RIMS1: variants seen among roughly 807,000 people sequenced by gnomAD.
The protein encoded by RIMS1 is regulating synaptic membrane exocytosis 1.
RIMS1 carries 83 observed loss-of-function variants against 214.1 expected under a neutral mutation model. That is an observed-to-expected ratio of 0.39 (90% CI 0.32 to 0.47). The LOEUF is 0.47. RIMS1 is among the 20% of genes least tolerant of loss of function. The pLI is 0.99. For synonymous variants in RIMS1, 793 were observed against 786.8 expected (o/e 1.01, Z -0.13); for missense variants, 2,050 against 2,161.8 (o/e 0.95, Z 1.03).
intron 2 of RIMS1, among the ~76,000 whole-genome samples, chr6:72,074,273 G>A (rs536748171): frequency 6.6e-6 from 1 of 152,292 alleles, no homozygotes; most frequent in Non-Finnish European, 1.5e-5. Context: ...TACATAGCTG[G>A]TATTCATAGT....
At chr6:72,237,377 T>G (rs1043567925) in intron 8 of RIMS1, among the ~76,000 whole-genome samples, 1 of 151,940 alleles carries the variant, frequency 6.6e-6, no homozygotes, top group African/African-American at 2.4e-5. Flanking sequence ...CCCAGCTACT[T>G]TAATCAAAAA....
At chr6:72,309,052 G>C (rs1345123879) in intron 27 of RIMS1, among the ~76,000 whole-genome samples, 1 of 152,026 alleles carries the variant, frequency 6.6e-6, no homozygotes, top group African/African-American at 2.4e-5. Flanking sequence ...CAGTTTCTTA[G>C]CTTTATTTCA....
intron 19 of RIMS1, chr6:72,262,081 A>C (rs948597688): frequency 4.1e-6 from 4 of 984,818 alleles, no homozygotes; most frequent in African/African-American, 1.7e-5. Context: ...CACAAAAAAA[A>C]TCCTTATATT....
intron 4 of RIMS1, among the ~76,000 whole-genome samples, chr6:72,166,336 GC>G (rs2046263365): frequency 6.7e-6 from 1 of 150,246 alleles, no homozygotes; most frequent in African/African-American, 2.4e-5. Flanking sequence ...ATCCTATTGA[GC>G]TAGGCCTACA....
rs1348116165 is a variant in RIMS1, at chr6:72,213,207, C to T, written c.1679-20566C>T. 13 of 1,536,148 alleles carry T rather than the reference C, an allele frequency of 8.5e-6. No homozygotes were observed. The East Asian group carries it at 9.8e-5, about 12-fold the overall frequency. ...TTCCGAAGAGGGAACAATTGAAGCT[C>T]GACGAGCAGTTGCTGGTAAGCAATA... is the stretch of plus-strand genomic sequence containing the variant. On this transcript the variant is annotated intron_variant, in intron 6 of 33. Coordinates refer to ENST00000521978, the MANE Select transcript of RIMS1 (RefSeq NM_014989.7).
chr6:72,229,618 A>G (rs1468427831), intron 6 of RIMS1, among the ~76,000 whole-genome samples: 1 of 151,836 alleles, frequency 6.6e-6, no homozygotes, highest in Non-Finnish European at 1.5e-5. Flanking sequence ...TGTATAATTT[A>G]GGGTAAGTGG....
chr6:72,386,443 G>A (rs2098603183), intron 29 of RIMS1, among the ~76,000 whole-genome samples: 1 of 152,142 alleles, frequency 6.6e-6, no homozygotes, highest in Admixed American at 6.6e-5. Flanking sequence ...AAAGACTGGA[G>A]AGGAAGCCTG....
intron 1 of RIMS1, among the ~76,000 whole-genome samples, chr6:71,951,295 G>A (rs1464974183): frequency 6.6e-6 from 1 of 151,982 alleles, no homozygotes; most frequent in Non-Finnish European, 1.5e-5. Context: ...TTTATTGCGG[G>A]AGGTTTTGTT....
chr6:72,023,106 A>G (rs189083389), intron 2 of RIMS1, among the ~76,000 whole-genome samples: 2 of 152,276 alleles, frequency 1.3e-5, no homozygotes, highest in East Asian at 3.9e-4. Flanking sequence ...TGCTTTCTAC[A>G]GAGAAATTCA....
At chr6:71,986,712 A>G (rs1800071825) in intron 2 of RIMS1, among the ~76,000 whole-genome samples, 1 of 152,250 alleles carries the variant, frequency 6.6e-6, no homozygotes, top group African/African-American at 2.4e-5. Flanking sequence ...GGGATATTCT[A>G]AATTGGATGT....
intron 6 of RIMS1, chr6:72,213,037 C>G (rs1159441910): frequency 6.5e-6 from 10 of 1,526,782 alleles, no homozygotes; most frequent in Non-Finnish European, 8.8e-6. Flanking sequence ...TCACACTCTT[C>G]TTAGATAAGA....
At chr6:71,983,832 A>G (rs1359758900) in intron 2 of RIMS1, among the ~76,000 whole-genome samples, 7 of 152,366 alleles carry the variant, frequency 4.6e-5, no homozygotes, top group South Asian at 2.1e-4. Context: ...ACCATCTTGT[A>G]TATTTAAAAG....
At chr6:72,118,379 A>G (rs997767578) in intron 4 of RIMS1, among the ~76,000 whole-genome samples, 5 of 151,470 alleles carry the variant, frequency 3.3e-5, no homozygotes. Context: ...ATGGAATCAC[A>G]GCTGAATTCT....
chr6:72,079,254 C>A (rs2153766375), intron 2 of RIMS1, among the ~76,000 whole-genome samples: 1 of 152,204 alleles, frequency 6.6e-6, no homozygotes, highest in South Asian at 2.1e-4. Context: ...ATTCCTTACA[C>A]AATATTAATA....
chr6:72,113,593 T>A (rs980842357), intron 4 of RIMS1, among the ~76,000 whole-genome samples: 3 of 152,154 alleles, frequency 2.0e-5, no homozygotes, highest in African/African-American at 7.2e-5. Context: ...TCTTTTGAAT[T>A]CTAGAATAAG....
chr6:72,159,965 A>G (rs1247265900), intron 4 of RIMS1, among the ~76,000 whole-genome samples: 1 of 139,578 alleles, frequency 7.2e-6, no homozygotes, highest in Admixed American at 7.4e-5. Flanking sequence ...CATTGAATCT[A>G]TAAATTACCT....
At chr6:72,113,119 G>A (rs939578274) in intron 4 of RIMS1, among the ~76,000 whole-genome samples, 1 of 152,146 alleles carries the variant, frequency 6.6e-6, no homozygotes, top group Non-Finnish European at 1.5e-5. Flanking sequence ...GCAGTGTGCA[G>A]AGTCATGGTA....
chr6:72,107,471 G>A (rs568019325), intron 4 of RIMS1, among the ~76,000 whole-genome samples: 3 of 152,220 alleles, frequency 2.0e-5, no homozygotes, highest in African/African-American at 7.2e-5. Context: ...TGAAGTGGGA[G>A]GATTGCTTGA....
chr6:72,368,426 C>A (rs547084328), intron 29 of RIMS1, among the ~76,000 whole-genome samples: 1 of 150,476 alleles, frequency 6.6e-6, no homozygotes, highest in African/African-American at 2.4e-5. Flanking sequence ...CTCAGCCTCC[C>A]GAGTAGCTGG....
Sources: gnomAD v4.1 joint callset for allele counts (sites outside exome capture counted in the v4.1 genomes callset) on GRCh38, gnomAD v4.1.1 for gene constraint, MANE v1.5 for transcripts, NCBI Gene and HGNC (gene_info 2026-07-23, HGNC 2026-07-21) for gene names.